UNC5C: variants seen among roughly 807,000 people sequenced by gnomAD.
UNC5C encodes the protein netrin receptor UNC5C.
UNC5C carries 47 observed loss-of-function variants against 99.8 expected under a neutral mutation model. The observed-to-expected ratio is 0.47, with a 90% confidence interval of 0.37 to 0.60. UNC5C has a LOEUF of 0.60. Ranked by LOEUF, UNC5C falls within the 20% of genes least tolerant of loss-of-function variation. UNC5C has a pLI of 0.00. For synonymous variants in UNC5C, 487 were observed against 452.2 expected, an observed-to-expected ratio of 1.08 and a Z score of -0.98; for missense variants, 1,062 against 1,165.9, an observed-to-expected ratio of 0.91 and a Z score of 1.30.
intron 1 of UNC5C, among the ~76,000 whole-genome samples, chr4:95,382,391 T>G (rs1295351491): frequency 6.6e-6 from 1 of 151,614 alleles, no homozygotes; most frequent in Non-Finnish European, 1.5e-5. Flanking sequence ...GAAGATCACT[T>G]GTGGCTGCAG....
rs180920518 is a variant in UNC5C, at chr4:95,543,077, G to C, written c.124+5657C>G. Among the ~76,000 whole-genome samples the C allele has an allele frequency of 2.0e-5, 3 of 152,158 alleles. No homozygotes were observed. The East Asian group carries it at 5.8e-4, about 29-fold the overall frequency. On this transcript the variant is annotated intron_variant, in intron 1 of 15. Coordinates refer to ENST00000453304, the MANE Select transcript of UNC5C (RefSeq NM_003728.4). ...TGTGAGTAAAACATCCTTGAGCTAA[G>C]AGATACTGGAATAATACCAAAGGTC...
At chr4:95,346,650 T>C (rs1292419532) in intron 1 of UNC5C, among the ~76,000 whole-genome samples, 1 of 151,898 alleles carries the variant, frequency 6.6e-6, no homozygotes, top group Non-Finnish European at 1.5e-5. Context: ...GTGTGATACA[T>C]CCTATTGAGA....
intron 3 of UNC5C, among the ~76,000 whole-genome samples, chr4:95,299,460 A>T (rs1454131409): frequency 6.6e-6 from 1 of 152,202 alleles, no homozygotes; most frequent in Non-Finnish European, 1.5e-5. Flanking sequence ...ATATGCCATT[A>T]TAAGGAATTT....
At chr4:95,334,218 T>G (rs1191979553) in intron 2 of UNC5C, among the ~76,000 whole-genome samples, 1 of 152,060 alleles carries the variant, frequency 6.6e-6, no homozygotes, top group Non-Finnish European at 1.5e-5. Flanking sequence ...ATATGCTATT[T>G]ATCTTGTCGG....
intron 1 of UNC5C, among the ~76,000 whole-genome samples, chr4:95,380,466 G>T (rs1745038451): frequency 7.2e-6 from 1 of 139,334 alleles, no homozygotes. Context: ...TTTTTTGAGA[G>T]ACTAGGTCTC....
intron 1 of UNC5C, among the ~76,000 whole-genome samples, chr4:95,418,665 T>A (rs1746236119): frequency 6.6e-6 from 1 of 152,128 alleles, no homozygotes; most frequent in Non-Finnish European, 1.5e-5. Flanking sequence ...GACCATCTAT[T>A]TAAAAACTAG....
chr4:95,409,666 T>C (rs759448250), intron 1 of UNC5C, among the ~76,000 whole-genome samples: 11 of 152,128 alleles, frequency 7.2e-5, no homozygotes, highest in African/African-American at 1.4e-4. Context: ...ATGAGTCCAG[T>C]TGGGGGATAT....
At chr4:95,304,827 C>A (rs1011478855) in intron 2 of UNC5C, among the ~76,000 whole-genome samples, 1 of 152,150 alleles carries the variant, frequency 6.6e-6, no homozygotes, top group Non-Finnish European at 1.5e-5. Context: ...TATTTGGTGT[C>A]CCAAGATGAT....
At position 95,170,429 on chromosome 4, in the gene UNC5C, G is replaced by A; in HGVS notation, c.2452-97C>T. The A allele has an allele frequency of 5.2e-6, 7 of 1,357,792 alleles. No homozygotes were observed. The South Asian group carries it at 6.9e-5, about 13-fold the overall frequency. 84.1% of individuals were successfully genotyped at this position (1,357,792 alleles called of 1,614,324 possible). A position where few individuals can be genotyped will look rare whatever the true frequency, so the allele number is the denominator to read the frequency against. ...CATAATGCCTTGCTTTGAGTGATAA[G>A]AAAAGAATGAATGCTGTTATTCTTC... On this transcript the variant is annotated intron_variant, in intron 14 of 15. Transcript: ENST00000453304.
At chr4:95,226,292 A>G (rs1738685795) in intron 7 of UNC5C, among the ~76,000 whole-genome samples, 1 of 152,120 alleles carries the variant, frequency 6.6e-6, no homozygotes, top group South Asian at 2.1e-4. Context: ...TAGCTGGGAG[A>G]GCTTTGCCGA....
intron 1 of UNC5C, among the ~76,000 whole-genome samples, chr4:95,492,761 GA>G (rs375527825): frequency 6.7e-4 from 102 of 151,506 alleles, no homozygotes; most frequent in African/African-American, 2.4e-3. Context: ...AATGAGATCA[GA>G]AGAGCAAATT....
At chr4:95,500,879 C>T (rs929256461) in intron 1 of UNC5C, among the ~76,000 whole-genome samples, 3 of 151,916 alleles carry the variant, frequency 2.0e-5, no homozygotes, top group Non-Finnish European at 2.9e-5. Context: ...GTACAAATAC[C>T]GTATATTTTT....
chr4:95,308,388 T>G (rs1433103078), intron 2 of UNC5C, among the ~76,000 whole-genome samples: 4 of 151,566 alleles, frequency 2.6e-5, no homozygotes, highest in African/African-American at 9.7e-5. Context: ...AGAAATAAAT[T>G]TAACCAAAGA....
intron 14 of UNC5C, among the ~76,000 whole-genome samples, chr4:95,176,751 G>T (rs9992669): frequency 0.46 from 69,782 of 152,164 alleles, 17,532 homozygotes; most frequent in Admixed American, 0.59. Context: ...AGGCCTCCTT[G>T]AGCTGTGGTG....
intron 1 of UNC5C, among the ~76,000 whole-genome samples, chr4:95,384,348 A>G (rs1280950365): frequency 3.3e-5 from 5 of 152,184 alleles, no homozygotes; most frequent in Non-Finnish European, 5.9e-5. Context: ...GAGTAATAGT[A>G]TAAGTGTGAA....
At chr4:95,281,872 G>T (rs994581708) in intron 3 of UNC5C, among the ~76,000 whole-genome samples, 7 of 152,292 alleles carry the variant, frequency 4.6e-5, no homozygotes, top group Admixed American at 3.9e-4. Flanking sequence ...TTGCGGTACA[G>T]TTGTTCTTTG....
At chr4:95,364,486 A>C (rs1744493014) in intron 1 of UNC5C, among the ~76,000 whole-genome samples, 2 of 152,160 alleles carry the variant, frequency 1.3e-5, no homozygotes, top group African/African-American at 4.8e-5. Context: ...TGACACTATG[A>C]TTGCTTTTGC....
At chr4:95,277,536 T>C (rs1740907083) in intron 4 of UNC5C, among the ~76,000 whole-genome samples, 1 of 152,244 alleles carries the variant, frequency 6.6e-6, no homozygotes, top group South Asian at 2.1e-4. Flanking sequence ...CAGTGTGATC[T>C]AAGATGATGG....
chr4:95,329,325 T>G (rs1743022947), intron 2 of UNC5C, among the ~76,000 whole-genome samples: 1 of 152,114 alleles, frequency 6.6e-6, no homozygotes, highest in African/African-American at 2.4e-5. Flanking sequence ...AGTATCACAG[T>G]AGGGATAAAC....
Sources: allele counts gnomAD v4.1 joint callset (sites outside exome capture counted in the v4.1 genomes callset), GRCh38; gene constraint gnomAD v4.1.1; transcripts MANE v1.5; gene names NCBI Gene and HGNC (gene_info 2026-07-23, HGNC 2026-07-21).